PDE4D: variants seen among roughly 807,000 people sequenced by gnomAD.
PDE4D encodes the protein phosphodiesterase 4D, also known as 3',5'-cyclic-AMP phosphodiesterase 4D.
Under a neutral mutation model 87.4 loss-of-function variants are expected in PDE4D, and 24 were observed. The observed-to-expected ratio is 0.27, with a 90% CI of 0.20 to 0.39. The LOEUF is 0.39. Ranked by LOEUF, PDE4D falls within the 10% of genes least tolerant of loss-of-function variation. The pLI is 1.00. For synonymous variants in PDE4D, 384 were observed against 383.2 expected, an observed-to-expected ratio of 1.00 and a Z score of -0.02; for missense variants, 714 against 1,041.0, an observed-to-expected ratio of 0.69 and a Z score of 4.32.
chr5:59,570,574 T>C (rs1307758511), intron 1 of PDE4D, among the ~76,000 whole-genome samples: 1 of 152,016 alleles, frequency 6.6e-6, no homozygotes, highest in Non-Finnish European at 1.5e-5. Context: ...GTCAGCTATA[T>C]CAATTCTACT....
At chr5:59,929,072 A>ATG (rs986384881) in intron 3 of PDE4D, among the ~76,000 whole-genome samples, 3 of 151,516 alleles carry the variant, frequency 2.0e-5, no homozygotes, top group African/African-American at 2.4e-5. Context: ...TTTTCAATAT[A>ATG]TGTGTGTGTG....
chr5:59,968,671 CT>C (rs66527672), intron 3 of PDE4D, among the ~76,000 whole-genome samples: 51,585 of 151,708 alleles, frequency 0.34, 10,826 homozygotes, highest in East Asian at 0.73. Flanking sequence ...ATAGTGAAAC[CT>C]AGATTTGATA....
At chr5:59,126,108 AGAG>A (rs375590338) in intron 5 of PDE4D, among the ~76,000 whole-genome samples, 22,837 of 107,700 alleles carry the variant, frequency 0.21, 2,219 homozygotes, top group African/African-American at 0.3. Flanking sequence ...AAAAAAAAAA[AGAG>A]AGAGAGAGAG....
At chr5:60,286,378 A>G (rs1752417225) in intron 1 of PDE4D, among the ~76,000 whole-genome samples, 1 of 152,178 alleles carries the variant, frequency 6.6e-6, no homozygotes, top group African/African-American at 2.4e-5. Flanking sequence ...AGTCAGGGCC[A>G]CTTTTTTCTT....
At position 60,407,443 on chromosome 5, in the gene PDE4D, CCTTT is replaced by C. The variant is rs1399928447; in HGVS notation, c.-90+80495_-90+80498del. On this transcript the variant is annotated intron_variant, in intron 1 of 16. Coordinates refer to the PDE4D transcript ENST00000502484. ...CATTTGTATTACATTTTTTCTTTTT[CCTTT>C]TTTTTTTTTTTTTTTTTTTTTTTTG... is the stretch of plus-strand genomic sequence containing the variant. Among the ~76,000 whole-genome samples, 6 of 128,684 alleles carry C rather than the reference CCTTT, an allele frequency of 4.7e-5. No individual in the cohort carries two copies. In the Admixed American group the frequency reaches 4.7e-4, roughly 10 times the overall value. 84.4% of individuals were successfully genotyped at this position (128,684 alleles called of 152,430 possible).
At chr5:59,777,790 T>C (rs1415073768) in intron 1 of PDE4D, among the ~76,000 whole-genome samples, 3 of 152,214 alleles carry the variant, frequency 2.0e-5, no homozygotes, top group Non-Finnish European at 4.4e-5. Flanking sequence ...AAATAACTTA[T>C]ATAACAGTAT....
chr5:59,261,704 T>C (rs1418268425), intron 1 of PDE4D, among the ~76,000 whole-genome samples: 1 of 151,832 alleles, frequency 6.6e-6, no homozygotes, highest in Non-Finnish European at 1.5e-5. Flanking sequence ...GTATATTTTA[T>C]CTTTGAAAAC....
At position 59,540,872 on chromosome 5, in the gene PDE4D, T is replaced by C. The variant is rs984848898; in HGVS notation, c.456-324904A>G. 5.3e-5 allele frequency among the ~76,000 whole-genome samples: 8 copies of C among 152,180 alleles called. No homozygotes were observed. In the East Asian group the frequency reaches 5.8e-4, roughly 11 times the overall value. On this transcript the variant is annotated intron_variant, in intron 1 of 14. Transcript: ENST00000340635. Reference sequence around the variant, plus strand: ...AACCTCTGTGTCCTCTGTTGTGTCATTGTGCTGAGAAGAGCAAGTTAAAAA... The same window carrying C: ...AACCTCTGTGTCCTCTGTTGTGTCACTGTGCTGAGAAGAGCAAGTTAAAAA...
chr5:59,162,228 C>T (rs770392961), intron 5 of PDE4D, among the ~76,000 whole-genome samples: 12 of 152,134 alleles, frequency 7.9e-5, no homozygotes, highest in African/African-American at 1.9e-4. Flanking sequence ...AGTCTCCCAA[C>T]GCTGGGGCAT....
At chr5:60,190,566 C>T (rs1031698032) in intron 1 of PDE4D, among the ~76,000 whole-genome samples, 5 of 152,112 alleles carry the variant, frequency 3.3e-5, no homozygotes, top group East Asian at 1.9e-4. Flanking sequence ...TTAGAAAGAA[C>T]GTAGAGTACA....
chr5:60,095,072 T>G (rs909488967), intron 2 of PDE4D, among the ~76,000 whole-genome samples: 7 of 152,200 alleles, frequency 4.6e-5, no homozygotes, highest in African/African-American at 1.7e-4. Context: ...TATTATACTT[T>G]AAGTTCTGGG....
At chr5:59,652,637 T>C (rs1743696007) in intron 1 of PDE4D, among the ~76,000 whole-genome samples, 1 of 152,214 alleles carries the variant, frequency 6.6e-6, no homozygotes, top group Non-Finnish European at 1.5e-5. Context: ...TCCTTATGAC[T>C]GTATATTTGT....
intron 6 of PDE4D, among the ~76,000 whole-genome samples, chr5:59,032,396 A>G (rs1757719430): frequency 6.6e-6 from 1 of 152,208 alleles, no homozygotes; most frequent in African/African-American, 2.4e-5. Context: ...CCTGGCCAAC[A>G]TGGTGAAACC....
intron 1 of PDE4D, among the ~76,000 whole-genome samples, chr5:59,504,725 C>T (rs1472846816): frequency 6.6e-6 from 1 of 152,142 alleles, no homozygotes; most frequent in Non-Finnish European, 1.5e-5. Flanking sequence ...AGTCCACCCA[C>T]ACAAAACTCT....
At chr5:60,440,325 T>C (rs1439555243) in intron 1 of PDE4D, among the ~76,000 whole-genome samples, 2 of 152,190 alleles carry the variant, frequency 1.3e-5, no homozygotes, top group Non-Finnish European at 2.9e-5. Flanking sequence ...GAACTTTCCT[T>C]GTTACTTTAG....
At chr5:60,460,394 G>A in intron 1 of PDE4D, 1 of 1,054,552 alleles carries the variant, frequency 9.5e-7, no homozygotes. Context: ...AAATAATGCA[G>A]TGCCTCTTCA....
chr5:59,083,503 T>C (rs1298286685), intron 5 of PDE4D, among the ~76,000 whole-genome samples: 1 of 152,074 alleles, frequency 6.6e-6, no homozygotes, highest in Non-Finnish European at 1.5e-5. Flanking sequence ...CCTTGGCTTT[T>C]TGCTCTATAT....
At chr5:59,355,566 T>C (rs543063646) in intron 1 of PDE4D, among the ~76,000 whole-genome samples, 16 of 152,308 alleles carry the variant, frequency 1.1e-4, no homozygotes, top group Non-Finnish European at 1.8e-4. Flanking sequence ...AGGAAGCATA[T>C]AATTTAAAAT....
At chr5:59,919,338 T>C (rs1292618226) in intron 3 of PDE4D, among the ~76,000 whole-genome samples, 1 of 152,214 alleles carries the variant, frequency 6.6e-6, no homozygotes, top group East Asian at 1.9e-4. Flanking sequence ...AGTTTTCACC[T>C]TCCTTTCTCC....
Sources: allele counts gnomAD v4.1 joint callset (sites outside exome capture counted in the v4.1 genomes callset), GRCh38; gene constraint gnomAD v4.1.1; transcripts MANE v1.5; gene names NCBI Gene and HGNC (gene_info 2026-07-23, HGNC 2026-07-21).